The following CHIC1 variants were observed in gnomAD, a reference collection of about 807,000 sequenced individuals.
The protein encoded by CHIC1 is cysteine rich hydrophobic domain 1, also known as cysteine-rich hydrophobic domain-containing protein 1.
A neutral mutation model predicts 18.5 loss-of-function variants in CHIC1; 7 were observed. The ratio of observed to expected loss-of-function variants is 0.38; its 90% confidence interval spans 0.22 to 0.71. The LOEUF is 0.71. Ranked by LOEUF, CHIC1 falls within the 30% of genes least tolerant of loss-of-function variation. CHIC1 has a pLI of 0.49. For synonymous variants in CHIC1, 77 were observed against 73.5 expected (o/e 1.05, Z -0.25); for missense variants, 159 against 176.9 (o/e 0.90, Z 0.57).
In CHIC1 at chrX:73,679,670, A is replaced by T; in HGVS notation, c.581A>T (p.Lys194Met). The T allele has an allele frequency of 8.8e-7, 1 of 1,130,014 alleles. No individual in the cohort carries two copies. Among genetic ancestry groups the T allele is most frequent in the African/African-American group, 1.8e-5 (1 of 55,124 alleles). The allele number at this position is 1,130,014 out of a possible 1,213,427, so 93.1% of individuals were successfully genotyped here. The change falls in exon 5 of 6, where the codon AAG becomes ATG. Residue 194 changes from lysine (K) to methionine (M), a missense_variant. Physicochemically the swap from Lys to Met is moderately conservative, Grantham distance 95. Coordinates refer to ENST00000373502, the MANE Select transcript of CHIC1 (RefSeq NM_001039840.4). ...RLYHKLALHW[K>M]LTKRKCETSN... ...CTTTCTTAGCTTGCTTTGCACTGGA[A>T]GTTGACTAAGAGGAAATGTGAAACT...
chrX:73,584,472 A>G lies in CHIC1; in HGVS notation c.407A>G (p.Lys136Arg). The G allele has an allele frequency of 1.7e-6, 2 of 1,177,328 alleles. No homozygotes were observed. The highest frequency in any genetic ancestry group is 2.3e-6 in the Non-Finnish European group (2 of 876,891). ...SIGRVNACLK[K>R]ALPVNVKWLL... ...GGCCGTGTGAATGCATGTTTGAAAA[A>G]GGCTCTCCCGGTCAATGTGAAATGG... Residue 136 changes from lysine (K) to arginine (R), a missense_variant, in exon 3 of 6, where the codon AAG becomes AGG. Lys to Arg is a conservative substitution (Grantham distance 26, BLOSUM62 2). Coordinates refer to ENST00000373502, the MANE Select transcript of CHIC1 (RefSeq NM_001039840.4).
chrX:73,676,245 A>G (rs773207177), intron 3 of CHIC1, among the ~76,000 whole-genome samples: 3 of 110,916 alleles, frequency 2.7e-5, no homozygotes, highest in East Asian at 2.8e-4. Context: ...TCTTTGTGGC[A>G]TTCTCTGTAT....
intron 3 of CHIC1, among the ~76,000 whole-genome samples, chrX:73,607,354 G>C (rs2057688024): frequency 9.3e-6 from 1 of 108,063 alleles, no homozygotes; most frequent in Non-Finnish European, 1.9e-5. Context: ...GACATCCCAG[G>C]TTGACTTCAG....
intron 3 of CHIC1, among the ~76,000 whole-genome samples, chrX:73,599,334 T>G (rs1297288225): frequency 1.0e-5 from 1 of 99,741 alleles, no homozygotes; most frequent in African/African-American, 4.2e-5. Flanking sequence ...CTCTTTAGTT[T>G]AATTAGATCC....
rs577924132 is a variant in CHIC1 at position 73,618,217 on chromosome X, G to A, written c.507+33645G>A. ...GAAATGGACTCTGCAAGGGTCCTTA[G>A]TTGTAGTTTTATTGCACTAGTTTTG... On this transcript the variant is annotated intron_variant, in intron 3 of 5. Coordinates refer to ENST00000373502, the MANE Select transcript of CHIC1 (RefSeq NM_001039840.4). Among the ~76,000 whole-genome samples, 68 of 111,641 alleles carry A rather than the reference G, an allele frequency of 6.1e-4. 1 individual carries two copies. In the South Asian group the frequency reaches 0.024, roughly 40 times the overall value.
chrX:73,679,595 A>G, intron 4 of CHIC1, 59 bp from the exon 5 acceptor site: 1 of 749,163 alleles, frequency 1.3e-6, no homozygotes. Context: ...ATTCAAATGT[A>G]TAGGTTGTAA....
At chrX:73,583,803 AAGTTTACCGC>A (rs2057538957) in intron 2 of CHIC1, among the ~76,000 whole-genome samples, 1 of 111,498 alleles carries the variant, frequency 9.0e-6, no homozygotes. Flanking sequence ...TCAACTTTAA[AAGTTTACCGC>A]AGTTATGAAT....
intron 3 of CHIC1, among the ~76,000 whole-genome samples, chrX:73,598,420 C>T (rs367703971): frequency 0.018 from 1,911 of 105,221 alleles, 40 homozygotes; most frequent in African/African-American, 0.057. Context: ...CATGCTGGTG[C>T]GCTGCACCCA....
chrX:73,598,107 A>C (rs1413925766), intron 3 of CHIC1, among the ~76,000 whole-genome samples: 1 of 111,183 alleles, frequency 9.0e-6, no homozygotes, highest in Non-Finnish European at 1.9e-5. Flanking sequence ...TTATAGGAGA[A>C]TGATTTGCAA....
rs191998977 is a variant in CHIC1, at chrX:73,675,705, T to A, written c.508-3621T>A. Among the ~76,000 whole-genome samples the A allele has an allele frequency of 2.0e-3, 228 of 111,893 alleles. 1 individual carries two copies. The highest frequency in any genetic ancestry group is 6.9e-3 in the African/African-American group (213 of 30,710). On this transcript the variant is annotated intron_variant, in intron 3 of 5. Transcript: ENST00000373502. ...TATCCAATTTGCCAGTCTGTGTCTTTTAATTGGAGCATTTAGCCCGTTTAC... is the reference window on the plus strand; with the variant it reads ...TATCCAATTTGCCAGTCTGTGTCTTATAATTGGAGCATTTAGCCCGTTTAC...
At chrX:73,641,623 C>T (rs945100147) in intron 3 of CHIC1, among the ~76,000 whole-genome samples, 2 of 110,283 alleles carry the variant, frequency 1.8e-5, no homozygotes, top group African/African-American at 3.3e-5. Flanking sequence ...CCCATTAACT[C>T]GTCATTTAGC....
intron 3 of CHIC1, among the ~76,000 whole-genome samples, chrX:73,601,316 C>T (rs1242680496): frequency 9.5e-6 from 1 of 105,497 alleles, no homozygotes; most frequent in African/African-American, 3.7e-5. Flanking sequence ...GGAAGTAAAG[C>T]TCTCCTCAGC....
intron 3 of CHIC1, among the ~76,000 whole-genome samples, chrX:73,618,393 A>G (rs950247603): frequency 9.0e-6 from 1 of 111,035 alleles, no homozygotes; most frequent in African/African-American, 3.3e-5. Context: ...AGACTATCAC[A>G]TGAGGGTACG....
chrX:73,652,551 A>T (rs2057922150), intron 3 of CHIC1, among the ~76,000 whole-genome samples: 1 of 112,393 alleles, frequency 8.9e-6, no homozygotes, highest in Non-Finnish European at 1.9e-5. Flanking sequence ...AAACAATGTC[A>T]TCCAAATGTG....
intron 3 of CHIC1, among the ~76,000 whole-genome samples, chrX:73,643,914 G>A (rs764939202): frequency 1.8e-5 from 2 of 112,469 alleles, no homozygotes; most frequent in South Asian, 7.4e-4. Context: ...CTGGTGAGGA[G>A]CTGCGTTCCT....
chrX:73,619,093 T>G (rs1362161793), intron 3 of CHIC1, among the ~76,000 whole-genome samples: 2 of 112,173 alleles, frequency 1.8e-5, no homozygotes, highest in African/African-American at 3.2e-5. Flanking sequence ...GGGTGTGTGT[T>G]CAGGGGTAAG....
Position 73,563,496 on chromosome X carries a change from C to A in CHIC1, c.212C>A (p.Pro71His). 1 of 1,167,709 alleles carries A rather than the reference C, an allele frequency of 8.6e-7. No homozygotes were observed. Among genetic ancestry groups the A allele is most frequent in the Non-Finnish European group, 1.1e-6 (1 of 873,030 alleles). The change falls in exon 1 of 6, where the codon CCC becomes CAC. Residue 71 changes from proline (P) to histidine (H), a missense_variant. Transcript: ENST00000373502. ...GAGGAAGAGGAGGAGGAAGCGCCGC[C>A]CCCGCCTCGGGTAGTGAGCGAGGAG... ...EEEEEEEEAP[P>H]PPRVVSEEHL...
intron 1 of CHIC1, among the ~76,000 whole-genome samples, chrX:73,568,853 C>G (rs911360868): frequency 4.5e-5 from 5 of 111,498 alleles, no homozygotes; most frequent in African/African-American, 1.6e-4. Flanking sequence ...AAACTTAGCA[C>G]TACAAATATT....
chrX:73,604,347 G>C (rs1348586216), intron 3 of CHIC1, among the ~76,000 whole-genome samples: 1 of 106,030 alleles, frequency 9.4e-6, no homozygotes, highest in Non-Finnish European at 1.9e-5. Context: ...TGTGGGATCA[G>C]TGGTGATATC....
Sources: gnomAD v4.1 joint callset for allele counts (sites outside exome capture counted in the v4.1 genomes callset) on GRCh38, gnomAD v4.1.1 for gene constraint, MANE v1.5 for transcripts, NCBI Gene and HGNC (gene_info 2026-07-23, HGNC 2026-07-21) for gene names.